The following FBXL5 variants were observed in gnomAD, a reference collection of about 807,000 sequenced individuals.
FBXL5 encodes F-box and leucine rich repeat protein 5, also known as F-box/LRR-repeat protein 5.
In FBXL5, 26 loss-of-function variants were observed where a neutral mutation model predicts 78.3. That is an observed-to-expected ratio of 0.33 (90% CI 0.24 to 0.46). The LOEUF is 0.46. Among genes scored for constraint, FBXL5 ranks in the 20% least tolerant of loss-of-function variants. The probability of loss-of-function intolerance (pLI) is 1.00; values close to 1 mark genes in which losing one functional copy is unlikely to be tolerated. For missense variants in FBXL5, 710 were observed against 829.2 expected (o/e 0.86, Z 1.77); for synonymous variants, 295 against 282.5 (o/e 1.04, Z -0.45).
At chr4:15,616,572 A>G (rs1368543902) in intron 9 of FBXL5, among the ~76,000 whole-genome samples, 1 of 152,314 alleles carries the variant, frequency 6.6e-6, no homozygotes, top group African/African-American at 2.4e-5. Flanking sequence ...TCTGTCCAGG[A>G]AACATCCCAT....
In FBXL5 at chr4:15,625,562, T is replaced by TA; in HGVS notation, c.1539dup (p.Ser514Ter). 1 of 1,614,188 alleles carries TA rather than the reference T, an allele frequency of 6.2e-7. No individual in the cohort carries two copies. Among genetic ancestry groups the TA allele is most frequent in the Non-Finnish European group, 8.5e-7 (1 of 1,180,042 alleles). On this transcript the variant is annotated frameshift_variant, in exon 9 of 11. Coordinates refer to ENST00000341285, the MANE Select transcript of FBXL5 (RefSeq NM_012161.4). LOFTEE classifies it high-confidence loss of function. ...CTAAAACAACCAGAGGTGGAACAACTAAAGTTGGATGCTGTTTCCATTACA... is the reference window on the plus strand; with the variant it reads ...CTAAAACAACCAGAGGTGGAACAACTAAAAGTTGGATGCTGTTTCCATTACA...
Position 15,626,908 on chromosome 4 carries a change from A to G in FBXL5, c.1089T>C (p.Leu363=), listed in dbSNP as rs199959677. ...CAGAATCTGAAATGTCAGTCTGGGT[A>G]AGATCCAGATGCTCCAGGTTAGGAC... ...ELCPNLEHLD[L]TQTDISDSAF... The change falls in exon 8 of 11, where the codon CTT becomes CTC. Residue 363 remains leucine (L), a synonymous_variant. Coordinates refer to ENST00000341285, the MANE Select transcript of FBXL5 (RefSeq NM_012161.4). 1.9e-6 allele frequency: 3 copies of G among 1,612,152 alleles called. No homozygotes were observed. The East Asian group carries it at 6.7e-5, about 36-fold the overall frequency.
upstream of FBXL5, chr4:15,659,662 T>G (rs970700987): frequency 2.3e-6 from 2 of 851,318 alleles, no homozygotes; most frequent in African/African-American, 3.6e-5. Context: ...CCATAAAGTT[T>G]CCTTGCAAAA....
upstream of FBXL5, among the ~76,000 whole-genome samples, chr4:15,660,902 C>T (rs1260256757): frequency 2.0e-5 from 3 of 152,032 alleles, no homozygotes; most frequent in Non-Finnish European, 4.4e-5. Context: ...CATGGCGAAA[C>T]TCCATCTCTA....
At chr4:15,657,095 C>T (rs750251305), upstream of FBXL5, among the ~76,000 whole-genome samples, 3 of 152,162 alleles carry the variant, frequency 2.0e-5, no homozygotes, top group Non-Finnish European at 4.4e-5. Flanking sequence ...CCTTTCACCC[C>T]GTTTCTCGTT....
upstream of FBXL5, among the ~76,000 whole-genome samples, chr4:15,657,803 A>C (rs1040918315): frequency 5.3e-5 from 8 of 152,214 alleles, no homozygotes; most frequent in African/African-American, 1.4e-4. Context: ...GTGTAGTATC[A>C]TTACCATAGG....
intron 1 of FBXL5, among the ~76,000 whole-genome samples, chr4:15,650,457 T>G (rs529650289): frequency 6.6e-6 from 1 of 152,140 alleles, no homozygotes; most frequent in Non-Finnish European, 1.5e-5. Flanking sequence ...AAGAGATTTA[T>G]GACCTACTAC....
intron 1 of FBXL5, among the ~76,000 whole-genome samples, chr4:15,649,598 G>C (rs1007883701): frequency 7.6e-6 from 1 of 130,948 alleles, no homozygotes; most frequent in African/African-American, 2.7e-5. Flanking sequence ...AAAAAAAAAA[G>C]AAAGAAAGAA....
chr4:15,655,909 A>T (rs1716882634), upstream of FBXL5, among the ~76,000 whole-genome samples: 1 of 152,224 alleles, frequency 6.6e-6, no homozygotes, highest in African/African-American at 2.4e-5. Context: ...GCGGTTGGTG[A>T]ACCAGAGCTG....
chr4:15,659,663 C>A, upstream of FBXL5: 1 of 864,036 alleles, frequency 1.2e-6, no homozygotes, highest in Non-Finnish European at 1.4e-6. Context: ...CATAAAGTTT[C>A]CTTGCAAAAT....
intron 10 of FBXL5, among the ~76,000 whole-genome samples, chr4:15,606,114 T>C (rs1046002072): frequency 1.7e-4 from 26 of 152,152 alleles, no homozygotes; most frequent in Admixed American, 1.6e-3. Context: ...CAAGCTAACT[T>C]ATAAAAAGAT....
chr4:15,628,787 A>ACACACACG (rs766026972), intron 6 of FBXL5, among the ~76,000 whole-genome samples: 1 of 77,824 alleles, frequency 1.3e-5, no homozygotes, highest in Admixed American at 1.4e-4. Flanking sequence ...ACACACACAC[A>ACACACACG]CGCACACACA....
intron 2 of FBXL5, among the ~76,000 whole-genome samples, chr4:15,642,243 CTTTTT>C (rs34820897): frequency 7.1e-6 from 1 of 141,772 alleles, no homozygotes; most frequent in South Asian, 2.3e-4. Flanking sequence ...ATAATGAAAA[CTTTTT>C]TTTTTTTTTT....
At chr4:15,654,746 G>A (rs1470866485) in intron 1 of FBXL5, among the ~76,000 whole-genome samples, 3 of 152,228 alleles carry the variant, frequency 2.0e-5, no homozygotes, top group African/African-American at 7.2e-5. Context: ...TCTGCACGGA[G>A]AGCCCCGAAC....
At chr4:15,661,209 T>C (rs1253858000), upstream of FBXL5, among the ~76,000 whole-genome samples, 1 of 152,226 alleles carries the variant, frequency 6.6e-6, no homozygotes, top group Admixed American at 6.5e-5. Flanking sequence ...ACTATAGGTG[T>C]TTCCCCTGTG....
chr4:15,672,464 T>G (rs1342487552), intron 1 of FBXL5, among the ~76,000 whole-genome samples: 1 of 152,254 alleles, frequency 6.6e-6, no homozygotes. Flanking sequence ...GCACTGCCTA[T>G]AGTTTTTAGG....
upstream of FBXL5, chr4:15,655,445 G>A (rs6846508): frequency 2.7e-5 from 26 of 970,890 alleles, no homozygotes; most frequent in Non-Finnish European, 2.9e-5. Flanking sequence ...GGGGCGCGCA[G>A]GCCGCCGCCA....
upstream of FBXL5, among the ~76,000 whole-genome samples, chr4:15,662,685 T>C (rs1717368135): frequency 6.6e-6 from 1 of 152,186 alleles, no homozygotes; most frequent in Admixed American, 6.5e-5. Context: ...TCAATATCAT[T>C]CTAGAGGTAG....
chr4:15,618,807 C>T (rs1712170238), intron 9 of FBXL5, among the ~76,000 whole-genome samples: 1 of 152,178 alleles, frequency 6.6e-6, no homozygotes, highest in Non-Finnish European at 1.5e-5. Flanking sequence ...TGTGCCATTG[C>T]ACTCTGGACG....
Sources: gnomAD v4.1 joint callset for allele counts (sites outside exome capture counted in the v4.1 genomes callset) on GRCh38, gnomAD v4.1.1 for gene constraint, MANE v1.5 for transcripts, NCBI Gene and HGNC (gene_info 2026-07-23, HGNC 2026-07-21) for gene names.